LRRTM4: variants seen among roughly 807,000 people sequenced by gnomAD.
LRRTM4 encodes the protein leucine rich repeat transmembrane neuronal 4, also known as leucine-rich repeat transmembrane neuronal protein 4.
In LRRTM4, 25 loss-of-function variants were observed where a neutral mutation model predicts 47.6. That is an observed-to-expected ratio of 0.53 (90% CI 0.38 to 0.73). The LOEUF is 0.73. Among genes scored for constraint, LRRTM4 ranks in the 30% least tolerant of loss-of-function variants. The probability of loss-of-function intolerance (pLI) is 0.00; values close to 1 mark genes in which losing one functional copy is unlikely to be tolerated. For missense variants in LRRTM4, 638 were observed against 713.4 expected, an observed-to-expected ratio of 0.89 and a Z score of 1.20; for synonymous variants, 311 against 269.5, an observed-to-expected ratio of 1.15 and a Z score of -1.51.
At chr2:77,224,589 C>G (rs1035767220) in intron 3 of LRRTM4, among the ~76,000 whole-genome samples, 2 of 152,174 alleles carry the variant, frequency 1.3e-5, no homozygotes, top group East Asian at 3.9e-4. Context: ...GACATTTATG[C>G]AGCCAAAAAA....
intron 3 of LRRTM4, among the ~76,000 whole-genome samples, chr2:76,974,035 G>A (rs1676311021): frequency 6.6e-6 from 1 of 151,320 alleles, no homozygotes; most frequent in Non-Finnish European, 1.5e-5. Context: ...TGGCACTTAA[G>A]AGGATAATTT....
chr2:77,018,259 C>CTTTTTTTTTTTTTTTTTTTTTTGTTTTT (rs59294966), intron 3 of LRRTM4, among the ~76,000 whole-genome samples: 1 of 75,036 alleles, frequency 1.3e-5, no homozygotes, highest in Non-Finnish European at 2.4e-5. Context: ...CTCTTGATTG[C>CTTTTTTTTTTTTTTTTTTTTTTGTTTTT]TTTTTTTTTT....
intron 3 of LRRTM4, among the ~76,000 whole-genome samples, chr2:77,275,848 A>G (rs184334734): frequency 7.0e-4 from 106 of 152,238 alleles, no homozygotes; most frequent in African/African-American, 2.4e-3. Flanking sequence ...TAAGATAATA[A>G]GAGCTTTTCT....
chr2:77,487,557 T>C (rs1349771123), intron 3 of LRRTM4, among the ~76,000 whole-genome samples: 2 of 152,076 alleles, frequency 1.3e-5, no homozygotes, highest in Admixed American at 1.3e-4. Flanking sequence ...CTCCTCGGCA[T>C]GAAGAGCCTG....
At chr2:77,201,098 A>G (rs527683822) in intron 3 of LRRTM4, among the ~76,000 whole-genome samples, 86 of 152,306 alleles carry the variant, frequency 5.6e-4, no homozygotes, top group African/African-American at 1.9e-3. Context: ...TTATACTGTC[A>G]TGACTTAGAA....
At chr2:77,161,758 T>C (rs1672735266) in intron 3 of LRRTM4, among the ~76,000 whole-genome samples, 1 of 152,110 alleles carries the variant, frequency 6.6e-6, no homozygotes, top group African/African-American at 2.4e-5. Flanking sequence ...AACTCTTAAT[T>C]TTTTTTTCTG....
intron 3 of LRRTM4, among the ~76,000 whole-genome samples, chr2:76,841,006 C>T (rs1412512042): frequency 1.1e-3 from 163 of 146,388 alleles, no homozygotes; most frequent in African/African-American, 1.7e-3. Flanking sequence ...CTCACAATAG[C>T]AAAGACTTGG....
intron 3 of LRRTM4, among the ~76,000 whole-genome samples, chr2:77,111,020 C>G (rs1433363219): frequency 6.6e-6 from 1 of 152,140 alleles, no homozygotes; most frequent in African/African-American, 2.4e-5. Context: ...TTAGAAGACA[C>G]AAAATTTAAA....
chr2:77,501,404 C>T (rs960354505), intron 3 of LRRTM4, among the ~76,000 whole-genome samples: 1 of 150,186 alleles, frequency 6.7e-6, no homozygotes, highest in Non-Finnish European at 1.5e-5. Flanking sequence ...CCATAAGTAA[C>T]TACTTAATGA....
intron 3 of LRRTM4, among the ~76,000 whole-genome samples, chr2:77,132,823 A>G (rs923871471): frequency 1.8e-4 from 28 of 152,166 alleles, no homozygotes; most frequent in Admixed American, 1.8e-3. Context: ...TCAGATCAAC[A>G]CAGACTCAGA....
chr2:76,936,153 G>T (rs1674938062), intron 3 of LRRTM4, among the ~76,000 whole-genome samples: 1 of 152,050 alleles, frequency 6.6e-6, no homozygotes, highest in Non-Finnish European at 1.5e-5. Context: ...GTTTATTGTG[G>T]CACTGTTCAC....
chr2:77,023,957 G>GA (rs201569863), intron 3 of LRRTM4, among the ~76,000 whole-genome samples: 3,416 of 150,900 alleles, frequency 0.023, 122 homozygotes, highest in African/African-American at 0.078. Flanking sequence ...GACTGGGAAG[G>GA]AAAAAAAAAG....
At chr2:77,185,460 T>C (rs1673476479) in intron 3 of LRRTM4, among the ~76,000 whole-genome samples, 1 of 152,172 alleles carries the variant, frequency 6.6e-6, no homozygotes, top group Non-Finnish European at 1.5e-5. Flanking sequence ...TTTACTTATA[T>C]ATCACTCCCT....
chr2:76,969,668 A>G (rs982434742), intron 3 of LRRTM4, among the ~76,000 whole-genome samples: 1 of 151,964 alleles, frequency 6.6e-6, no homozygotes, highest in African/African-American at 2.4e-5. Context: ...ATTTACCAGT[A>G]ATTACAATGA....
At chr2:76,754,984 A>G (rs1158250573) in intron 3 of LRRTM4, among the ~76,000 whole-genome samples, 1 of 152,170 alleles carries the variant, frequency 6.6e-6, no homozygotes, top group African/African-American at 2.4e-5. Context: ...CCTAGCTCAT[A>G]TTGCCAACCT....
chr2:76,837,972 A>G (rs1170225274), intron 3 of LRRTM4, among the ~76,000 whole-genome samples: 19 of 151,836 alleles, frequency 1.3e-4, no homozygotes, highest in Admixed American at 1.2e-3. Context: ...GCATTAGGAG[A>G]TATACCTAAT....
At chr2:77,186,239 G>A (rs1673502329) in intron 3 of LRRTM4, among the ~76,000 whole-genome samples, 1 of 152,112 alleles carries the variant, frequency 6.6e-6, no homozygotes, top group African/African-American at 2.4e-5. Flanking sequence ...TCTGCTCTTT[G>A]ATGCCATTTA....
intron 3 of LRRTM4, among the ~76,000 whole-genome samples, chr2:76,979,988 G>A (rs191271808): frequency 4.7e-4 from 72 of 152,098 alleles, no homozygotes; most frequent in Admixed American, 4.0e-3. Context: ...ATGATTTGTC[G>A]CTGGCAGGGC....
intron 3 of LRRTM4, among the ~76,000 whole-genome samples, chr2:76,974,209 TACAC>T (rs200336947): frequency 4.1e-5 from 3 of 73,024 alleles, no homozygotes; most frequent in African/African-American, 1.8e-4. Flanking sequence ...TATATATATA[TACAC>T]ATATATATAC....
Sources: gnomAD v4.1 joint callset for allele counts (sites outside exome capture counted in the v4.1 genomes callset) on GRCh38, gnomAD v4.1.1 for gene constraint, MANE v1.5 for transcripts, NCBI Gene and HGNC (gene_info 2026-07-23, HGNC 2026-07-21) for gene names.